ST6GALNAC5: variants seen among roughly 807,000 people sequenced by gnomAD.
ST6GALNAC5 encodes the protein ST6 N-acetylgalactosaminide alpha-2,6-sialyltransferase 5.
ST6GALNAC5 carries 27 observed loss-of-function variants against 33.6 expected under a neutral mutation model. That is an observed-to-expected ratio of 0.80 (90% CI 0.59 to 1.11). ST6GALNAC5 has a LOEUF of 1.11. Ranked by LOEUF, ST6GALNAC5 falls within the 50% of genes least tolerant of loss-of-function variation. ST6GALNAC5 has a pLI of 0.00. For missense variants in ST6GALNAC5, 428 were observed against 454.0 expected (o/e 0.94, Z 0.52); for synonymous variants, 194 against 171.2 (o/e 1.13, Z -1.04).
chr1:76,972,521 A>AT (rs1486941327), intron 2 of ST6GALNAC5, among the ~76,000 whole-genome samples: 1 of 152,148 alleles, frequency 6.6e-6, no homozygotes, highest in East Asian at 1.9e-4. Context: ...AAAAATCTTT[A>AT]TTTTTTCAAT....
At chr1:76,978,322 T>G (rs575269967) in intron 2 of ST6GALNAC5, among the ~76,000 whole-genome samples, 150 of 152,316 alleles carry the variant, frequency 9.8e-4, no homozygotes, top group South Asian at 3.7e-3. Context: ...CTCTTTAGTT[T>G]GATGTAATCC....
At chr1:76,959,535 G>A (rs1023725308) in intron 2 of ST6GALNAC5, among the ~76,000 whole-genome samples, 5 of 152,232 alleles carry the variant, frequency 3.3e-5, no homozygotes, top group African/African-American at 1.2e-4. Context: ...TGAGGGGCAA[G>A]CTTTGGCCTT....
intron 2 of ST6GALNAC5, among the ~76,000 whole-genome samples, chr1:77,013,757 T>C (rs900838636): frequency 6.6e-6 from 1 of 152,240 alleles, no homozygotes; most frequent in African/African-American, 2.4e-5. Context: ...AAACAATTAA[T>C]GTCCCAGCTC....
chr1:76,893,754 G>T (rs576874303), intron 2 of ST6GALNAC5, among the ~76,000 whole-genome samples: 1 of 152,194 alleles, frequency 6.6e-6, no homozygotes, highest in East Asian at 1.9e-4. Flanking sequence ...TCTGCCTCCC[G>T]GGTTCAAGCG....
chr1:77,034,250 G>A (rs886281710), intron 2 of ST6GALNAC5, among the ~76,000 whole-genome samples: 9 of 151,692 alleles, frequency 5.9e-5, no homozygotes, highest in Non-Finnish European at 1.2e-4. Context: ...CGAATCCTCC[G>A]TGTTCCTCAC....
intron 2 of ST6GALNAC5, among the ~76,000 whole-genome samples, chr1:76,898,745 C>T (rs888513259): frequency 2.6e-5 from 4 of 152,042 alleles, no homozygotes; most frequent in East Asian, 3.9e-4. Flanking sequence ...GGGCTAGTCA[C>T]GGAATGAAAC....
In ST6GALNAC5 at chr1:77,064,540, T is replaced by C. The variant is rs972696627; in HGVS notation, c.*1334T>C. On this transcript the variant is annotated 3_prime_UTR_variant, in exon 5 of 5. Coordinates refer to ENST00000477717, the MANE Select transcript of ST6GALNAC5 (RefSeq NM_030965.3). ...CATGCCCTATCATTCAACTCATTTATGCTATGAACTGTTTAGACTCACTAC... is the reference window on the plus strand; with the variant it reads ...CATGCCCTATCATTCAACTCATTTACGCTATGAACTGTTTAGACTCACTAC... The C allele has an allele frequency of 6.6e-6, 1 of 152,202 alleles. No homozygotes were observed. The highest frequency in any genetic ancestry group is 2.4e-5 in the African/African-American group (1 of 41,456). 9.4% of individuals were successfully genotyped at this position (152,202 alleles called of 1,614,324 possible).
chr1:76,923,047 A>C (rs1200779118), intron 2 of ST6GALNAC5, among the ~76,000 whole-genome samples: 1 of 152,122 alleles, frequency 6.6e-6, no homozygotes, highest in African/African-American at 2.4e-5. Context: ...GGCAAAAAGA[A>C]AGCCTATAAA....
chr1:76,910,252 C>T (rs1030593916), intron 2 of ST6GALNAC5, among the ~76,000 whole-genome samples: 8 of 151,698 alleles, frequency 5.3e-5, no homozygotes, highest in Non-Finnish European at 8.8e-5. Context: ...GTTGCCTATT[C>T]CTCTGTAATT....
chr1:77,044,640 A>G (rs1651949408), intron 3 of ST6GALNAC5, 27 bp downstream of exon 3: 2 of 1,521,140 alleles, frequency 1.3e-6, no homozygotes, highest in Non-Finnish European at 1.8e-6. Flanking sequence ...AAGAAGATGC[A>G]GGGGAGGGTG....
At chr1:76,952,235 G>A (rs1647777102) in intron 2 of ST6GALNAC5, among the ~76,000 whole-genome samples, 1 of 152,042 alleles carries the variant, frequency 6.6e-6, no homozygotes, top group Non-Finnish European at 1.5e-5. Flanking sequence ...ATCACTGAAT[G>A]CAGAGCTGGA....
intron 2 of ST6GALNAC5, among the ~76,000 whole-genome samples, chr1:76,886,518 G>A (rs1570639406): frequency 6.6e-6 from 1 of 152,146 alleles, no homozygotes; most frequent in Non-Finnish European, 1.5e-5. Flanking sequence ...TTGGTTGATG[G>A]CTTTCAAGTA....
intron 3 of ST6GALNAC5, among the ~76,000 whole-genome samples, chr1:77,048,373 T>C (rs1237148263): frequency 6.6e-6 from 1 of 152,216 alleles, no homozygotes; most frequent in African/African-American, 2.4e-5. Flanking sequence ...CTCCCAGTTA[T>C]TCACTCACCC....
chr1:76,923,430 C>T (rs775543056), intron 2 of ST6GALNAC5, among the ~76,000 whole-genome samples: 18 of 152,114 alleles, frequency 1.2e-4, no homozygotes, highest in Non-Finnish European at 2.1e-4. Context: ...CTGTGGCTCA[C>T]ACCTGTAATT....
intron 2 of ST6GALNAC5, among the ~76,000 whole-genome samples, chr1:76,985,724 G>A (rs1278759410): frequency 6.6e-6 from 1 of 152,134 alleles, no homozygotes; most frequent in Non-Finnish European, 1.5e-5. Context: ...AAAGAACAAA[G>A]CTGGAGGCAT....
intron 2 of ST6GALNAC5, among the ~76,000 whole-genome samples, chr1:76,980,384 C>T (rs1388416770): frequency 1.3e-5 from 2 of 152,120 alleles, no homozygotes; most frequent in Non-Finnish European, 2.9e-5. Flanking sequence ...GTTTCTACTT[C>T]TTAAAATTTG....
chr1:76,974,476 C>A (rs1218836508), intron 2 of ST6GALNAC5, among the ~76,000 whole-genome samples: 1 of 151,916 alleles, frequency 6.6e-6, no homozygotes, highest in Admixed American at 6.6e-5. Context: ...GTGTTGGGTT[C>A]CAGGCATGAG....
rs1203424113 is a variant in ST6GALNAC5 at position 77,064,218 on chromosome 1, G to T, written c.*1012G>T. On this transcript the variant is annotated 3_prime_UTR_variant, in exon 5 of 5. Coordinates refer to ENST00000477717, the MANE Select transcript of ST6GALNAC5 (RefSeq NM_030965.3). ...TCTTCTTGACCCATTTGAAGACTCT[G>T]CACTTGGAGTGATGGGGCCCCAACA... is the stretch of plus-strand genomic sequence containing the variant. 6.6e-6 allele frequency: 1 copy of T among 152,056 alleles called. No homozygotes were observed. The highest frequency in any genetic ancestry group is 2.4e-5 in the African/African-American group (1 of 41,396). The allele number at this position is 152,056 out of a possible 1,614,324, so 9.4% of individuals were successfully genotyped here.
At chr1:77,000,850 T>C (rs1407660622) in intron 2 of ST6GALNAC5, among the ~76,000 whole-genome samples, 1 of 152,216 alleles carries the variant, frequency 6.6e-6, no homozygotes, top group Non-Finnish European at 1.5e-5. Context: ...CATTGATCTA[T>C]ATCTCTGTTT....
Sources: allele counts gnomAD v4.1 joint callset (sites outside exome capture counted in the v4.1 genomes callset), GRCh38; gene constraint gnomAD v4.1.1; transcripts MANE v1.5; gene names NCBI Gene and HGNC (gene_info 2026-07-23, HGNC 2026-07-21).